Variants in STK32C observed in about 807,000 individuals in gnomAD.
STK32C encodes the protein serine/threonine-protein kinase 32C.
A neutral mutation model predicts 56.5 loss-of-function variants in STK32C; 31 were observed. The observed-to-expected ratio is 0.55, with a 90% CI of 0.41 to 0.74. The LOEUF (loss-of-function observed/expected upper bound fraction) is 0.74. STK32C is among the 30% of genes least tolerant of loss of function. The pLI, the probability that STK32C is intolerant of heterozygous loss-of-function variation, is 0.00. For missense variants in STK32C, 544 were observed against 676.9 expected (o/e 0.80, Z 2.18); for synonymous variants, 309 against 289.4 (o/e 1.07, Z -0.69).
At chr10:132,267,694 C>A in intron 1 of STK32C, among the ~76,000 whole-genome samples, 1 of 125,540 alleles carries the variant, frequency 8.0e-6, no homozygotes, top group African/African-American at 3.3e-5. Context: ...CATGTGCATG[C>A]AGGTTCAGCT....
At chr10:132,223,079 T>TCC (rs1360298844) in intron 8 of STK32C, 93 bp from the exon 9 acceptor site, 1 of 1,465,214 alleles carries the variant, frequency 6.8e-7, no homozygotes, top group Admixed American at 2.2e-5. Context: ...TTGAGGAGGG[T>TCC]CCCACCAAGC....
intron 1 of STK32C, among the ~76,000 whole-genome samples, chr10:132,271,745 G>A (rs766564019): frequency 2.0e-5 from 3 of 152,142 alleles, no homozygotes; most frequent in Non-Finnish European, 2.9e-5. Flanking sequence ...CCCCAGACTC[G>A]CGCCCTCCCC....
intron 1 of STK32C, among the ~76,000 whole-genome samples, chr10:132,318,022 C>G (rs1196272034): frequency 6.7e-6 from 1 of 148,208 alleles, no homozygotes; most frequent in Non-Finnish European, 1.5e-5. Flanking sequence ...GTAATCTCAG[C>G]ACTTTGGGAG....
chr10:132,314,869 G>A (rs535994484), intron 1 of STK32C, among the ~76,000 whole-genome samples: 30 of 152,304 alleles, frequency 2.0e-4, no homozygotes, highest in African/African-American at 6.5e-4. Flanking sequence ...AGGCGCAGTG[G>A]CTCATGCCTG....
At chr10:132,273,629 T>C (rs1370287691) in intron 1 of STK32C, among the ~76,000 whole-genome samples, 3 of 151,910 alleles carry the variant, frequency 2.0e-5, no homozygotes, top group African/African-American at 7.3e-5. Context: ...TGAGTGGAGT[T>C]ACTGAATGAG....
intron 1 of STK32C, among the ~76,000 whole-genome samples, chr10:132,280,687 C>T (rs2065167086): frequency 6.6e-6 from 1 of 150,842 alleles, no homozygotes; most frequent in African/African-American, 2.5e-5. Context: ...CACGCACCTC[C>T]ACTCCGTGAT....
intron 1 of STK32C, among the ~76,000 whole-genome samples, chr10:132,280,544 CCG>C (rs2065154209): frequency 7.5e-6 from 1 of 133,312 alleles, no homozygotes; most frequent in African/African-American, 2.8e-5. Context: ...GGCCTCCACA[CCG>C]TGACCACGCC....
intron 1 of STK32C, among the ~76,000 whole-genome samples, chr10:132,294,964 G>A (rs1003804209): frequency 4.6e-5 from 7 of 152,074 alleles, no homozygotes; most frequent in South Asian, 2.1e-4. Context: ...ACTGAGGCCC[G>A]GCCAGCAGAG....
chr10:132,249,814 C>T (rs1474847939), intron 1 of STK32C, among the ~76,000 whole-genome samples: 1 of 152,254 alleles, frequency 6.6e-6, no homozygotes, highest in Admixed American at 6.5e-5. Flanking sequence ...ATCAGCAACC[C>T]ATGAGGGTCT....
At chr10:132,225,698 C>T in intron 5 of STK32C, 49 bp downstream of exon 5, 1 of 1,612,790 alleles carries the variant, frequency 6.2e-7, no homozygotes, top group Non-Finnish European at 8.5e-7. Context: ...CCTGACAGGC[C>T]CATCCCTGCC....
At chr10:132,285,658 CCAA>C (rs2065377503) in intron 1 of STK32C, among the ~76,000 whole-genome samples, 1 of 152,114 alleles carries the variant, frequency 6.6e-6, no homozygotes, top group Non-Finnish European at 1.5e-5. Context: ...GTGAATGCAC[CCAA>C]CAACAACCCA....
chr10:132,226,201 A>G (rs935170158), intron 4 of STK32C, among the ~76,000 whole-genome samples: 1 of 152,230 alleles, frequency 6.6e-6, no homozygotes, highest in African/African-American at 2.4e-5. Context: ...ATAATCAGAC[A>G]TCCGAGTCCC....
intron 1 of STK32C, among the ~76,000 whole-genome samples, chr10:132,266,539 T>A (rs1453981274): frequency 6.6e-6 from 1 of 152,170 alleles, no homozygotes; most frequent in Non-Finnish European, 1.5e-5. Flanking sequence ...AGGCATCTTA[T>A]CTGAATTTCA....
chr10:132,320,882 G>C (rs1228946439), downstream of STK32C, among the ~76,000 whole-genome samples: 3 of 152,288 alleles, frequency 2.0e-5, no homozygotes, highest in African/African-American at 7.2e-5. Flanking sequence ...GGCGCATCTG[G>C]GTGTCCTCAC....
At chr10:132,324,752 A>G (rs1168530547) in intron 1 of STK32C, among the ~76,000 whole-genome samples, 1 of 152,238 alleles carries the variant, frequency 6.6e-6, no homozygotes, top group Non-Finnish European at 1.5e-5. Context: ...AGAGATCCTG[A>G]GATGTGCCCA....
intron 4 of STK32C, among the ~76,000 whole-genome samples, chr10:132,226,576 C>T (rs1045399340): frequency 5.3e-5 from 8 of 152,228 alleles, no homozygotes; most frequent in African/African-American, 1.9e-4. Context: ...GCTGGGGCTG[C>T]TGGGACGAGG....
chr10:132,220,873 C>T (rs565159326), intron 10 of STK32C, among the ~76,000 whole-genome samples: 5 of 152,302 alleles, frequency 3.3e-5, no homozygotes, highest in East Asian at 1.9e-4. Context: ...CCTGGACTTC[C>T]GATTTACAGA....
intron 2 of STK32C, among the ~76,000 whole-genome samples, chr10:132,230,676 T>TGGTG (rs1301559652): frequency 0.018 from 124 of 6,746 alleles, 10 homozygotes; most frequent in East Asian, 0.073. Context: ...GGGGGGAAGC[T>TGGTG]GGCGGGGGGG....
intron 1 of STK32C, among the ~76,000 whole-genome samples, chr10:132,294,739 C>T (rs1232278434): frequency 1.3e-5 from 2 of 152,160 alleles, no homozygotes; most frequent in Non-Finnish European, 2.9e-5. Flanking sequence ...CACCAGCCCC[C>T]GACCCAGGGC....
Sources: gnomAD v4.1 joint callset for allele counts (sites outside exome capture counted in the v4.1 genomes callset) on GRCh38, gnomAD v4.1.1 for gene constraint, MANE v1.5 for transcripts, NCBI Gene and HGNC (gene_info 2026-07-23, HGNC 2026-07-21) for gene names.